The following NAV1 variants were observed in gnomAD, a reference collection of about 807,000 sequenced individuals.
NAV1 encodes pore membrane and/or filament interacting like protein 3.
Under a neutral mutation model 175.2 loss-of-function variants are expected in NAV1, and 18 were observed. The ratio of observed to expected loss-of-function variants is 0.10; its 90% confidence interval spans 0.07 to 0.15. NAV1 has a LOEUF of 0.15. NAV1 is among the 10% of genes least tolerant of loss of function. The probability of loss-of-function intolerance (pLI) is 1.00; values close to 1 mark genes in which losing one functional copy is unlikely to be tolerated. For missense variants in NAV1, 1,731 were observed against 2,436.6 expected (o/e 0.71, Z 6.10); for synonymous variants, 897 against 978.7 (o/e 0.92, Z 1.56).
chr1:201,570,571 C>T (rs1666504490), intron 1 of NAV1, among the ~76,000 whole-genome samples: 1 of 152,246 alleles, frequency 6.6e-6, no homozygotes, highest in African/African-American at 2.4e-5. Context: ...AGATGCTTGC[C>T]TGGTGTCCCA....
chr1:201,630,176 C>T (rs11588215), intron 2 of NAV1, among the ~76,000 whole-genome samples: 9,711 of 152,234 alleles, frequency 0.064, 424 homozygotes, highest in East Asian at 0.19. Context: ...AGATTCAAAA[C>T]TCAGCAGCAC....
In NAV1 at chr1:201,782,225, T is replaced by C; in HGVS notation, c.1713T>C (p.Asn571=). The change falls in exon 6 of 30, where the codon AAT becomes AAC. Residue 571 remains asparagine, a synonymous_variant. Transcript: ENST00000367296. This position sits in a 1 kb window ranked among gnomAD's most constrained non-coding sequence, Gnocchi z 5.4. ...ACAAGGGTAAGCTTGCAGTGAAGAA[T>C]ACTGGGCTCCAACGCTCCTCCTCTG... 2 of 1,613,252 alleles carry C rather than the reference T, an allele frequency of 1.2e-6. No individual in the cohort carries two copies. The highest frequency in any genetic ancestry group is 1.7e-6 in the Non-Finnish European group (2 of 1,179,644).
intron 3 of NAV1, among the ~76,000 whole-genome samples, chr1:201,722,371 G>T (rs191532144): frequency 6.6e-6 from 1 of 152,236 alleles, no homozygotes. Context: ...TGTTGTTGTT[G>T]TTTAATGACT....
intron 2 of NAV1, among the ~76,000 whole-genome samples, chr1:201,597,504 GC>G (rs1042705445): frequency 2.6e-5 from 4 of 152,230 alleles, no homozygotes; most frequent in African/African-American, 9.6e-5. Flanking sequence ...TGCCCCTGGG[GC>G]CCGCTGGTTA....
At chr1:201,717,121 TA>T (rs1384573738) in intron 2 of NAV1, among the ~76,000 whole-genome samples, 1 of 152,206 alleles carries the variant, frequency 6.6e-6, no homozygotes, top group African/African-American at 2.4e-5. Context: ...TCAGGTCCAA[TA>T]GAGACAACTT....
rs1439707776 is a variant in NAV1, at chr1:201,787,715, C to T, written c.2996-753C>T. On this transcript the variant is annotated intron_variant, in intron 9 of 29. Transcript: ENST00000367296. This position sits in a 1 kb window ranked among gnomAD's most constrained non-coding sequence, Gnocchi z 4.3. ...GGAGGCAGAAGAATAGACAAGGGAG[C>T]TCCTTGTGGGTATGAAACCCTGAAA... The T allele has an allele frequency of 2.2e-6, 1 of 456,054 alleles. No homozygotes were observed. Among genetic ancestry groups the T allele is most frequent in the African/African-American group, 2.0e-5 (1 of 50,052 alleles). The allele number at this position is 456,054 out of a possible 1,614,324, so 28.3% of individuals were successfully genotyped here.
In NAV1 at chr1:201,787,071, C is replaced by T. The variant is rs945720360; in HGVS notation, c.2995+494C>T. The stretch of plus-strand genomic sequence containing the variant: ...TCTGGCTGAGCCCAGGCCATCCTAA[C>T]GCTGAAGGCAGGGCTGACTCAGATG... On this transcript the variant is annotated intron_variant, in intron 9 of 29. Transcript: ENST00000367296. The surrounding 1 kb of genome is among the most constrained non-coding windows in gnomAD (Gnocchi z 4.3). Among the ~76,000 whole-genome samples, 2 of 152,220 alleles carry T rather than the reference C, an allele frequency of 1.3e-5. No homozygotes were observed. Among genetic ancestry groups the T allele is most frequent in the Non-Finnish European group, 2.9e-5 (2 of 68,042 alleles).
upstream of NAV1, among the ~76,000 whole-genome samples, chr1:201,644,519 G>T (rs755826908): frequency 2.6e-5 from 4 of 152,204 alleles, no homozygotes; most frequent in Non-Finnish European, 5.9e-5. Context: ...TGCCAAGATG[G>T]CTATTTAAAG....
intron 3 of NAV1, among the ~76,000 whole-genome samples, chr1:201,723,107 A>G (rs1332720256): frequency 6.6e-6 from 1 of 152,150 alleles, no homozygotes; most frequent in African/African-American, 2.4e-5. Context: ...CGAGACTCCA[A>G]CTCAAAAAAA....
At chr1:201,648,649 A>G (rs1237313427) in exon 1 of NAV1, 5 of 1,365,746 alleles carry the variant, frequency 3.7e-6, no homozygotes, top group Non-Finnish European at 4.7e-6. Context: ...CGGATCGTCC[A>G]TGCGCTCCTC....
intron 22 of NAV1, 49 bp from the exon 27 acceptor site, chr1:201,809,897 C>A: frequency 6.5e-7 from 1 of 1,546,384 alleles, no homozygotes; most frequent in Non-Finnish European, 8.9e-7. Flanking sequence ...GTGGCTTTTA[C>A]ACCTGTGTTT....
Position 201,790,773 on chromosome 1 carries a change from G to A in NAV1, c.3321+7G>A. The A allele has an allele frequency of 6.2e-7, 1 of 1,613,962 alleles. No homozygotes were observed. Among genetic ancestry groups the A allele is most frequent in the Non-Finnish European group, 8.5e-7 (1 of 1,179,864 alleles). On this transcript the variant is annotated splice_region_variant and intron_variant, in intron 13 of 29. Transcript: ENST00000367296. ...GTCTCAGCTTTCTGCCAATGTGAGT[G>A]CCATGAAGTACGGAAAGATCAAGGC...
At chr1:201,625,180 T>C (rs1442094675) in intron 1 of NAV1, among the ~76,000 whole-genome samples, 5 of 152,162 alleles carry the variant, frequency 3.3e-5, no homozygotes, top group Non-Finnish European at 5.9e-5. Context: ...AAAGGTGTTA[T>C]AGGATGATGA....
At chr1:201,572,075 G>A (rs1434318582) in intron 1 of NAV1, among the ~76,000 whole-genome samples, 1 of 152,200 alleles carries the variant, frequency 6.6e-6, no homozygotes, top group Non-Finnish European at 1.5e-5. Context: ...TCCTATATGA[G>A]AGAGTGTTTT....
intron 3 of NAV1, among the ~76,000 whole-genome samples, chr1:201,767,814 G>A (rs892290701): frequency 2.0e-5 from 3 of 152,186 alleles, no homozygotes; most frequent in Admixed American, 6.5e-5. Context: ...GTGACCTTTG[G>A]GGAAGTATGG....
At chr1:201,578,212 G>A (rs1280122339) in intron 1 of NAV1, among the ~76,000 whole-genome samples, 6 of 151,912 alleles carry the variant, frequency 3.9e-5, no homozygotes, top group Non-Finnish European at 7.4e-5. Context: ...TGTTCATATT[G>A]GTTAATTTCT....
chr1:201,663,970 C>G (rs1351412246), intron 1 of NAV1, among the ~76,000 whole-genome samples: 1 of 152,190 alleles, frequency 6.6e-6, no homozygotes, highest in Non-Finnish European at 1.5e-5. Context: ...CTTTGGATTA[C>G]AATCGTAAAG....
At chr1:201,621,609 G>C (rs1369320577), upstream of NAV1, among the ~76,000 whole-genome samples, 6 of 152,188 alleles carry the variant, frequency 3.9e-5, no homozygotes, top group African/African-American at 1.2e-4. Context: ...AGGGATTACA[G>C]GCGTGAGCCA....
chr1:201,803,227 G>C (rs1423462824), intron 15 of NAV1, among the ~76,000 whole-genome samples: 1 of 152,154 alleles, frequency 6.6e-6, no homozygotes, highest in East Asian at 1.9e-4. Context: ...TGGACCACCA[G>C]ATAGCTAAGT....
Sources: gnomAD v4.1 joint callset for allele counts (sites outside exome capture counted in the v4.1 genomes callset) on GRCh38, gnomAD v4.1.1 for gene constraint, Gnocchi (gnomAD v3.1) non-coding constraint, MANE v1.5 for transcripts, NCBI Gene and HGNC (gene_info 2026-07-23, HGNC 2026-07-21) for gene names.